Variants in JAKMIP1 observed in about 807,000 individuals in gnomAD.
The protein encoded by JAKMIP1 is janus kinase and microtubule-interacting protein 1.
In JAKMIP1, 33 loss-of-function variants were observed where a neutral mutation model predicts 113.0. The observed-to-expected ratio is 0.29, with a 90% CI of 0.22 to 0.39. The LOEUF is 0.39. Ranked by LOEUF, JAKMIP1 falls within the 10% of genes least tolerant of loss-of-function variation. JAKMIP1 has a pLI of 1.00. For synonymous variants in JAKMIP1, 480 were observed against 459.9 expected (o/e 1.04, Z -0.56); for missense variants, 813 against 1,080.5 (o/e 0.75, Z 3.47).
chr4:6,139,631 T>G lies in JAKMIP1; in HGVS notation c.-147-26634A>C, dbSNP rs894863354. 6.6e-6 allele frequency among the ~76,000 whole-genome samples: 1 copy of G among 152,072 alleles called. No individual in the cohort carries two copies. Among genetic ancestry groups the G allele is most frequent in the East Asian group, 1.9e-4 (1 of 5,154 alleles). On this transcript the variant is annotated intron_variant, in intron 1 of 20. Coordinates refer to ENST00000409021, the MANE Select transcript of JAKMIP1 (RefSeq NM_001099433.2). This position sits in a 1 kb window ranked among gnomAD's most constrained non-coding sequence, Gnocchi z 5.2. ...AAATACAAAAATTAGCCAGGTGTGG[T>G]GGCACACACCTGTAGTCCCAGCTAC...
intron 17 of JAKMIP1, among the ~76,000 whole-genome samples, chr4:6,041,177 C>G (rs1421193432): frequency 6.6e-6 from 1 of 152,190 alleles, no homozygotes; most frequent in Non-Finnish European, 1.5e-5. Flanking sequence ...ATACCTGGGT[C>G]ACTGTCTAAG....
chr4:6,087,999 T>A (rs1453613705), intron 3 of JAKMIP1, among the ~76,000 whole-genome samples: 2 of 152,178 alleles, frequency 1.3e-5, no homozygotes, highest in Non-Finnish European at 2.9e-5. Context: ...TCTTTAAACA[T>A]GCTGAAAACA....
At chr4:6,054,735 C>A (rs766756863) in intron 12 of JAKMIP1, 13 of 456,608 alleles carry the variant, frequency 2.8e-5, no homozygotes, top group Non-Finnish European at 5.7e-5. Flanking sequence ...CAGCCCACTA[C>A]TCCAGCCCTC....
At chr4:6,196,479 C>T (rs1727858649) in intron 1 of JAKMIP1, among the ~76,000 whole-genome samples, 1 of 152,210 alleles carries the variant, frequency 6.6e-6, no homozygotes, top group Non-Finnish European at 1.5e-5. Context: ...AGTGGCCAGC[C>T]CTGGGGTCAC....
chr4:6,062,381 G>C lies in JAKMIP1; in HGVS notation c.1491C>G (p.Ala497=). 6.2e-7 allele frequency: 1 copy of C among 1,613,842 alleles called. No individual in the cohort carries two copies. Among genetic ancestry groups the C allele is most frequent in the Non-Finnish European group, 8.5e-7 (1 of 1,180,008 alleles). The part of the protein sequence containing the change: ...RFCQLTREYQ[A]LQRAYALLQE... ...GGAGCAGGGCGTAGGCGCGTTGCAG[G>C]GCCTGGTACTCCCGGGTCAGCTGGC... The change falls in exon 10 of 21, where the codon GCC becomes GCG. Residue 497 remains alanine (A), a synonymous_variant. Coordinates refer to ENST00000409021, the MANE Select transcript of JAKMIP1 (RefSeq NM_001099433.2).
chr4:6,029,230 G>A (rs1477010897), intron 20 of JAKMIP1, among the ~76,000 whole-genome samples: 3 of 152,212 alleles, frequency 2.0e-5, no homozygotes, highest in Non-Finnish European at 2.9e-5. Context: ...ATGGGCTGGT[G>A]GAACATACCC....
At chr4:6,029,022 A>G (rs913696899) in intron 20 of JAKMIP1, among the ~76,000 whole-genome samples, 6 of 152,196 alleles carry the variant, frequency 3.9e-5, no homozygotes, top group African/African-American at 9.7e-5. Context: ...GGGCAATACC[A>G]TGATAAAACT....
intron 1 of JAKMIP1, among the ~76,000 whole-genome samples, chr4:6,126,401 C>A (rs1717632014): frequency 4.1e-5 from 6 of 145,508 alleles, no homozygotes; most frequent in African/African-American, 1.6e-4. Flanking sequence ...GAAACACACA[C>A]ACAAACATAC....
In JAKMIP1 at chr4:6,178,706, A is replaced by C. The variant is rs905771880; in HGVS notation, c.-148+21547T>G. Among the ~76,000 whole-genome samples the C allele has an allele frequency of 6.6e-6, 1 of 152,116 alleles. No homozygotes were observed. Among genetic ancestry groups the C allele is most frequent in the Non-Finnish European group, 1.5e-5 (1 of 68,024 alleles). ...GTCAATTAAACCTCTTTTCTTTATA[A>C]ATTCCCGTCACAGGTATGTCTTTAT... On this transcript the variant is annotated intron_variant, in intron 1 of 20. Coordinates refer to ENST00000409021, the MANE Select transcript of JAKMIP1 (RefSeq NM_001099433.2). The surrounding 1 kb of genome is among the most constrained non-coding windows in gnomAD (Gnocchi z 5.5).
chr4:6,117,705 C>T (rs1164153704), intron 1 of JAKMIP1, among the ~76,000 whole-genome samples: 1 of 151,890 alleles, frequency 6.6e-6, no homozygotes, highest in Admixed American at 6.6e-5. Flanking sequence ...GCAATCTTGA[C>T]CATAAGAGAC....
rs149950335 is a variant in JAKMIP1, at chr4:6,187,693, A to C, written c.-148+12560T>G. 2.8e-3 allele frequency among the ~76,000 whole-genome samples: 433 copies of C among 152,364 alleles called. 2 individuals carry two copies. Among genetic ancestry groups the C allele is most frequent in the African/African-American group, 0.01 (420 of 41,592 alleles). On this transcript the variant is annotated intron_variant, in intron 1 of 20. Transcript: ENST00000409021. This position sits in a 1 kb window ranked among gnomAD's most constrained non-coding sequence, Gnocchi z 4.2. Reference sequence around the variant, plus strand: ...CTTCCCAGCCTCTAGAACTGTGAGAAATAAATTTCTATTGTTTATAAGCTA... The same window carrying C: ...CTTCCCAGCCTCTAGAACTGTGAGACATAAATTTCTATTGTTTATAAGCTA...
chr4:6,161,624 C>G (rs1441160937), intron 1 of JAKMIP1, among the ~76,000 whole-genome samples: 3 of 151,976 alleles, frequency 2.0e-5, no homozygotes, highest in East Asian at 1.9e-4. Flanking sequence ...GGCAAGGAAC[C>G]CACAGAGGGT....
intron 1 of JAKMIP1, among the ~76,000 whole-genome samples, chr4:6,127,285 C>A (rs1383355385): frequency 6.6e-6 from 1 of 152,180 alleles, no homozygotes; most frequent in Non-Finnish European, 1.5e-5. Flanking sequence ...GGCTGTTCCC[C>A]CAATTTAGAG....
At chr4:6,125,572 C>G (rs9997828) in intron 1 of JAKMIP1, among the ~76,000 whole-genome samples, 13,289 of 150,634 alleles carry the variant, frequency 0.088, 951 homozygotes, top group African/African-American at 0.19. Context: ...CAGAAACACA[C>G]ACACACACCA....
chr4:6,123,213 G>A (rs936299574), intron 1 of JAKMIP1, among the ~76,000 whole-genome samples: 2 of 152,212 alleles, frequency 1.3e-5, no homozygotes, highest in African/African-American at 4.8e-5. Flanking sequence ...TGGCAAAGGA[G>A]GCATGGCTTC....
In JAKMIP1 at chr4:6,185,690, A is replaced by G. The variant is rs1224354292; in HGVS notation, c.-148+14563T>C. 6.6e-6 allele frequency among the ~76,000 whole-genome samples: 1 copy of G among 152,156 alleles called. No homozygotes were observed. Among genetic ancestry groups the G allele is most frequent in the Non-Finnish European group, 1.5e-5 (1 of 68,024 alleles). On this transcript the variant is annotated intron_variant, in intron 1 of 20. Coordinates refer to ENST00000409021, the MANE Select transcript of JAKMIP1 (RefSeq NM_001099433.2). This position sits in a 1 kb window ranked among gnomAD's most constrained non-coding sequence, Gnocchi z 5.3. ...ACCCCAGCTGCAGAGTCCCTGATCCAGGAGATCAGGGTGGGGCCAGAGGAC... is the reference window on the plus strand; with the variant it reads ...ACCCCAGCTGCAGAGTCCCTGATCCGGGAGATCAGGGTGGGGCCAGAGGAC...
At chr4:6,126,862 C>G (rs906033913) in intron 1 of JAKMIP1, among the ~76,000 whole-genome samples, 1 of 151,686 alleles carries the variant, frequency 6.6e-6, no homozygotes, top group South Asian at 2.1e-4. Context: ...ATGCATCATA[C>G]AGAAACCCAT....
At chr4:6,130,227 A>G (rs1252580815) in intron 1 of JAKMIP1, among the ~76,000 whole-genome samples, 1 of 152,234 alleles carries the variant, frequency 6.6e-6, no homozygotes, top group Admixed American at 6.5e-5. Flanking sequence ...CGGGGACGCA[A>G]TGAGAATTGA....
At position 6,030,478 on chromosome 4, in the gene JAKMIP1, T is replaced by C. The variant is rs117292266; in HGVS notation, c.2380-697A>G. 6.5e-4 allele frequency among the ~76,000 whole-genome samples: 99 copies of C among 152,252 alleles called. 2 individuals are homozygous for C. The East Asian group carries it at 0.017, about 26-fold the overall frequency. ...TGCAGAATTAATTCCCTGGGTGGTT[T>C]ACCGATCATTCCTTCCCATCCCACA... is the stretch of plus-strand genomic sequence containing the variant. On this transcript the variant is annotated intron_variant, in intron 19 of 20. Transcript: ENST00000409021.
Sources: allele counts gnomAD v4.1 joint callset (sites outside exome capture counted in the v4.1 genomes callset), GRCh38; gene constraint gnomAD v4.1.1; non-coding constraint Gnocchi (gnomAD v3.1); transcripts MANE v1.5; gene names NCBI Gene and HGNC (gene_info 2026-07-23, HGNC 2026-07-21).